The following DYTN variants were observed in gnomAD, a reference collection of about 807,000 sequenced individuals.
DYTN encodes dystrotelin.
A neutral mutation model predicts 69.6 loss-of-function variants in DYTN; 75 were observed. The observed-to-expected ratio is 1.08, with a 90% CI of 0.89 to 1.31. The LOEUF is 1.31. DYTN is among the 50% of genes most tolerant of loss of function. The pLI is 0.00. For synonymous variants in DYTN, 252 were observed against 249.1 expected (o/e 1.01, Z -0.11); for missense variants, 726 against 688.4 (o/e 1.05, Z -0.61).
intron 9 of DYTN, among the ~76,000 whole-genome samples, chr2:206,682,698 G>T (rs1343859360): frequency 1.3e-5 from 2 of 151,944 alleles, no homozygotes; most frequent in Admixed American, 1.3e-4. Flanking sequence ...CCAAGTTCCA[G>T]CTATGAATAG....
intron 1 of DYTN, 98 bp downstream of exon 1, chr2:206,718,163 T>G (rs1700145830): frequency 7.6e-7 from 1 of 1,315,226 alleles, no homozygotes. Flanking sequence ...ATTTGCCAAA[T>G]GTTTACTCTT....
In DYTN at chr2:206,705,786, A is replaced by G. The variant is rs778377759; in HGVS notation, c.382+2T>C. 1.9e-6 allele frequency: 3 copies of G among 1,613,494 alleles called. No individual in the cohort carries two copies. Among genetic ancestry groups the G allele is most frequent in the Non-Finnish European group, 2.5e-6 (3 of 1,179,744 alleles). ...GGACACCCGCAGTCCTCTGCATGTT[A>G]CCTCGGTATTTTGAAAGAGGGCTGT... On this transcript the variant is annotated splice_donor_variant, in intron 4 of 11. Transcript: ENST00000452335. LOFTEE classifies it high-confidence loss of function.
intron 9 of DYTN, among the ~76,000 whole-genome samples, chr2:206,690,342 C>A (rs1215971167): frequency 6.6e-6 from 1 of 152,104 alleles, no homozygotes; most frequent in East Asian, 1.9e-4. Context: ...AGTGGAGGAC[C>A]AAGAGCTGGT....
chr2:206,695,738 T>C (rs1333677393), intron 7 of DYTN, among the ~76,000 whole-genome samples: 2 of 152,206 alleles, frequency 1.3e-5, no homozygotes, highest in African/African-American at 4.8e-5. Flanking sequence ...TCCCCTGATA[T>C]GTAAATTCTC....
At chr2:206,695,086 T>TC (rs1267087055) in intron 7 of DYTN, among the ~76,000 whole-genome samples, 3 of 152,178 alleles carry the variant, frequency 2.0e-5, no homozygotes, top group Admixed American at 6.5e-5. Flanking sequence ...GATAGTATTT[T>TC]CAAATGGCAT....
intron 7 of DYTN, 39 bp from the exon 8 acceptor site, chr2:206,694,916 A>C: frequency 1.9e-6 from 2 of 1,043,204 alleles, no homozygotes; most frequent in Non-Finnish European, 2.6e-6. Context: ...CGTCACTAGT[A>C]GATGAGAAAA....
At chr2:206,712,050 T>G (rs1257064515) in intron 1 of DYTN, among the ~76,000 whole-genome samples, 1 of 152,204 alleles carries the variant, frequency 6.6e-6, no homozygotes, top group Non-Finnish European at 1.5e-5. Context: ...ATAGCTTAGT[T>G]TATTTTAGGC....
intron 9 of DYTN, among the ~76,000 whole-genome samples, chr2:206,671,515 T>G (rs1326249751): frequency 6.6e-6 from 1 of 152,204 alleles, no homozygotes; most frequent in East Asian, 1.9e-4. Context: ...TTAAAATAAT[T>G]ACAACTCAAA....
At chr2:206,715,811 C>T (rs1372148277) in intron 1 of DYTN, among the ~76,000 whole-genome samples, 4 of 151,848 alleles carry the variant, frequency 2.6e-5, no homozygotes, top group Non-Finnish European at 5.9e-5. Flanking sequence ...CTGTGGTGGC[C>T]GGGTGCGGTG....
intron 1 of DYTN, among the ~76,000 whole-genome samples, chr2:206,713,493 T>C (rs1412875329): frequency 1.3e-5 from 2 of 152,152 alleles, no homozygotes; most frequent in Admixed American, 6.5e-5. Flanking sequence ...CATCTCTCAT[T>C]CCCTGAAAGG....
intron 9 of DYTN, among the ~76,000 whole-genome samples, chr2:206,685,705 C>T (rs745378848): frequency 6.6e-6 from 1 of 152,098 alleles, no homozygotes; most frequent in African/African-American, 2.4e-5. Context: ...GGAGCCTTCA[C>T]CCACCCACCC....
intron 11 of DYTN, among the ~76,000 whole-genome samples, chr2:206,657,290 A>T (rs1399328672): frequency 6.6e-6 from 1 of 151,968 alleles, no homozygotes; most frequent in African/African-American, 2.4e-5. Context: ...CTTTACAAAA[A>T]TTTTTTGGTA....
At chr2:206,654,867 G>T (rs1025134390) in intron 11 of DYTN, among the ~76,000 whole-genome samples, 1 of 152,312 alleles carries the variant, frequency 6.6e-6, no homozygotes, top group South Asian at 2.1e-4. Flanking sequence ...TAAACCTCCT[G>T]CTCCCCACCC....
chr2:206,672,573 C>A (rs1016798893), intron 9 of DYTN, among the ~76,000 whole-genome samples: 6 of 152,210 alleles, frequency 3.9e-5, no homozygotes, highest in Admixed American at 3.3e-4. Context: ...GAGTAAAATG[C>A]AGACAGGCCC....
intron 11 of DYTN, among the ~76,000 whole-genome samples, chr2:206,656,050 G>A (rs1272400100): frequency 6.6e-6 from 1 of 152,000 alleles, no homozygotes; most frequent in Non-Finnish European, 1.5e-5. Flanking sequence ...TTTCTGTCTG[G>A]AGGTTCTAAT....
intron 9 of DYTN, among the ~76,000 whole-genome samples, chr2:206,673,665 G>A (rs986547621): frequency 1.6e-4 from 25 of 152,296 alleles, no homozygotes; most frequent in African/African-American, 6.0e-4. Context: ...AGAAGTCTTG[G>A]GCAGAGACTT....
chr2:206,716,774 C>T (rs1284910944), intron 1 of DYTN, among the ~76,000 whole-genome samples: 1 of 152,050 alleles, frequency 6.6e-6, no homozygotes, highest in Admixed American at 6.6e-5. Flanking sequence ...CTCAGATGCA[C>T]CAAGCAGATA....
chr2:206,685,013 A>G (rs1431318067), intron 9 of DYTN, among the ~76,000 whole-genome samples: 1 of 152,240 alleles, frequency 6.6e-6, no homozygotes, highest in East Asian at 1.9e-4. Flanking sequence ...GGAGCATTAC[A>G]GATCACCAAA....
intron 2 of DYTN, among the ~76,000 whole-genome samples, chr2:206,709,698 G>A (rs914329532): frequency 2.0e-5 from 3 of 152,100 alleles, no homozygotes; most frequent in African/African-American, 7.2e-5. Context: ...TTAAATGTCA[G>A]CCTTCAGTAG....
Sources: gnomAD v4.1 joint callset for allele counts (sites outside exome capture counted in the v4.1 genomes callset) on GRCh38, gnomAD v4.1.1 for gene constraint, MANE v1.5 for transcripts, NCBI Gene and HGNC (gene_info 2026-07-23, HGNC 2026-07-21) for gene names.